Variants in RNF13 observed in about 807,000 individuals in gnomAD.
RNF13 encodes E3 ubiquitin-protein ligase RNF13.
In RNF13, 19 loss-of-function variants were observed where a neutral mutation model predicts 37.7. That is an observed-to-expected ratio of 0.50 (90% confidence interval 0.35 to 0.74). RNF13 has a LOEUF of 0.74. Ranked by LOEUF, RNF13 falls within the 30% of genes least tolerant of loss-of-function variation. The probability of loss-of-function intolerance (pLI) is 0.01; values close to 1 mark genes in which losing one functional copy is unlikely to be tolerated. For missense variants in RNF13, 375 were observed against 453.0 expected (o/e 0.83, Z 1.56); for synonymous variants, 144 against 157.8 (o/e 0.91, Z 0.65).
intron 7 of RNF13, among the ~76,000 whole-genome samples, chr3:149,914,829 T>A (rs532905336): frequency 8.6e-5 from 13 of 151,904 alleles, no homozygotes; most frequent in African/African-American, 3.1e-4. Flanking sequence ...TCCCAGCTAC[T>A]CGGGAGGCTG....
chr3:149,960,140 T>A lies in RNF13; in HGVS notation c.781+4T>A, dbSNP rs767169484. The A allele has an allele frequency of 8.2e-6, 13 of 1,576,550 alleles. No homozygotes were observed. The highest frequency in any genetic ancestry group is 1.0e-5 in the Non-Finnish European group (12 of 1,146,350). ...AGAATCCTTCCCTGTTCCCATGGTATGAGTAATTACGTACTGCTTTGAATT... is the reference window on the plus strand; with the variant it reads ...AGAATCCTTCCCTGTTCCCATGGTAAGAGTAATTACGTACTGCTTTGAATT... On this transcript the variant is annotated splice_donor_region_variant and intron_variant, in intron 9 of 9. Coordinates refer to ENST00000392894, the MANE Select transcript of RNF13 (RefSeq NM_183381.3).
chr3:149,868,681 G>T (rs538940309), intron 3 of RNF13, among the ~76,000 whole-genome samples: 1 of 148,968 alleles, frequency 6.7e-6, no homozygotes, highest in East Asian at 2.0e-4. Flanking sequence ...CTCCCTCCTG[G>T]CTTGTATTGT....
intron 8 of RNF13, among the ~76,000 whole-genome samples, chr3:149,954,652 G>A (rs923880704): frequency 6.6e-6 from 1 of 152,042 alleles, no homozygotes; most frequent in African/African-American, 2.4e-5. Context: ...TTTGGGGACA[G>A]GATCTTAAAT....
rs745692701 is a variant in RNF13 at position 149,846,067 on chromosome 3, A to G, written c.41A>G (p.Gln14Arg). 1.2e-6 allele frequency: 2 copies of G among 1,612,608 alleles called. No homozygotes were observed. Among genetic ancestry groups the G allele is most frequent in the Admixed American group, 3.3e-5 (2 of 59,972 alleles). The change falls in exon 2 of 10, where the codon CAA (glutamine) becomes CGA (arginine). Residue 14 changes from glutamine to arginine, a missense_variant. Gln to Arg is a conservative substitution (Grantham distance 43). Coordinates refer to ENST00000392894, the MANE Select transcript of RNF13 (RefSeq NM_183381.3). ...GGGATGCTCATGCTGTCAGCCACAC[A>G]AGTCTACACCATCTTGACTGTCCAG... ...SIGMLMLSAT[Q>R]VYTILTVQLF... is the part of the protein sequence containing the mutation.
At chr3:149,911,743 T>C (rs141870174) in intron 6 of RNF13, among the ~76,000 whole-genome samples, 1 of 152,164 alleles carries the variant, frequency 6.6e-6, no homozygotes, top group African/African-American at 2.4e-5. Context: ...TAGTTTTCTT[T>C]ACCCAGTTTA....
chr3:149,919,546 T>C (rs1311878244), intron 7 of RNF13, among the ~76,000 whole-genome samples: 3 of 152,152 alleles, frequency 2.0e-5, no homozygotes, highest in Non-Finnish European at 4.4e-5. Flanking sequence ...CGTAATTATT[T>C]TGAGATTTGT....
At chr3:149,886,989 C>A (rs1270047089) in intron 4 of RNF13, among the ~76,000 whole-genome samples, 2 of 152,060 alleles carry the variant, frequency 1.3e-5, no homozygotes, top group Non-Finnish European at 2.9e-5. Context: ...TGATGTTAAT[C>A]TTTAATTTCA....
At chr3:149,896,267 A>G (rs765445983) in intron 5 of RNF13, among the ~76,000 whole-genome samples, 1 of 152,180 alleles carries the variant, frequency 6.6e-6, no homozygotes, top group African/African-American at 2.4e-5. Flanking sequence ...GTGCATAACC[A>G]TAATATATTT....
intron 3 of RNF13, among the ~76,000 whole-genome samples, chr3:149,862,677 G>A (rs1212740860): frequency 1.3e-5 from 2 of 151,834 alleles, no homozygotes; most frequent in Non-Finnish European, 2.9e-5. Context: ...TCATTCATTT[G>A]CTGGTAGATG....
At chr3:149,815,616 G>C (rs1234338279) in intron 1 of RNF13, among the ~76,000 whole-genome samples, 1 of 152,162 alleles carries the variant, frequency 6.6e-6, no homozygotes, top group Non-Finnish European at 1.5e-5. Context: ...AAGCATACTG[G>C]TGAGTCATTG....
intron 4 of RNF13, among the ~76,000 whole-genome samples, chr3:149,884,442 T>C (rs1419011958): frequency 6.6e-6 from 1 of 152,066 alleles, no homozygotes; most frequent in Non-Finnish European, 1.5e-5. Flanking sequence ...TTCCTGATCC[T>C]GTCTGAATTC....
At chr3:149,887,200 A>G (rs916945202) in intron 4 of RNF13, among the ~76,000 whole-genome samples, 1 of 152,204 alleles carries the variant, frequency 6.6e-6, no homozygotes, top group East Asian at 1.9e-4. Flanking sequence ...AGGACTTTAC[A>G]TGGAACTCAG....
At chr3:149,841,226 G>C (rs1722146154) in intron 1 of RNF13, among the ~76,000 whole-genome samples, 1 of 152,178 alleles carries the variant, frequency 6.6e-6, no homozygotes, top group South Asian at 2.1e-4. Flanking sequence ...GCTAGAAGAT[G>C]ATATCAGAGA....
Position 149,876,539 on chromosome 3 carries a change from C to T in RNF13, c.321+4385C>T, listed in dbSNP as rs1385190192. On this transcript the variant is annotated intron_variant, in intron 4 of 9. Transcript: ENST00000392894. ...GATACTTTACCTGACTTCTGCCTCT[C>T]TCTCAAGTCTCATCTCTACTTTGCC... Among the ~76,000 whole-genome samples, 3 of 152,080 alleles carry T rather than the reference C, an allele frequency of 2.0e-5. No individual in the cohort carries two copies. In the East Asian group the frequency reaches 5.8e-4, roughly 29 times the overall value.
chr3:149,870,943 A>G (rs1419494669), intron 3 of RNF13, among the ~76,000 whole-genome samples: 2 of 151,768 alleles, frequency 1.3e-5, no homozygotes, highest in African/African-American at 4.8e-5. Context: ...TCCTTTATAA[A>G]TGAAATCAGT....
At chr3:149,856,648 T>TC (rs1211939086) in intron 3 of RNF13, among the ~76,000 whole-genome samples, 3 of 152,042 alleles carry the variant, frequency 2.0e-5, no homozygotes, top group Admixed American at 2.0e-4. Flanking sequence ...TTGCTATGTT[T>TC]CCCAGGCTGG....
chr3:149,845,906 T>G, intron 1 of RNF13, 105 bp from the exon 2 acceptor site: 1 of 589,448 alleles, frequency 1.7e-6, no homozygotes. Context: ...AATACATGTT[T>G]ATAATTAAAA....
At chr3:149,894,824 TATAAC>T (rs776272896) in intron 4 of RNF13, among the ~76,000 whole-genome samples, 40 of 152,136 alleles carry the variant, frequency 2.6e-4, no homozygotes, top group Non-Finnish European at 5.0e-4. Flanking sequence ...TATTTTTACT[TATAAC>T]AGAATATTAT....
intron 5 of RNF13, among the ~76,000 whole-genome samples, chr3:149,898,689 C>G (rs1474893403): frequency 1.3e-5 from 2 of 152,056 alleles, no homozygotes; most frequent in African/African-American, 2.4e-5. Flanking sequence ...AATGATTGTT[C>G]AGATATTATT....
Sources: gnomAD v4.1 joint callset for allele counts (sites outside exome capture counted in the v4.1 genomes callset) on GRCh38, gnomAD v4.1.1 for gene constraint, MANE v1.5 for transcripts, NCBI Gene and HGNC (gene_info 2026-07-23, HGNC 2026-07-21) for gene names.